PDE7A: variants seen among roughly 807,000 people sequenced by gnomAD.
The protein encoded by PDE7A is phosphodiesterase 7A.
Under a neutral mutation model 64.3 loss-of-function variants are expected in PDE7A, and 39 were observed. That is an observed-to-expected ratio of 0.61 (90% CI 0.47 to 0.79). The LOEUF (loss-of-function observed/expected upper bound fraction) is 0.79, where lower values mean the gene tolerates loss of function less well. Among genes scored for constraint, PDE7A ranks in the 30% least tolerant of loss-of-function variants. PDE7A has a pLI of 0.00. For synonymous variants in PDE7A, 203 were observed against 206.8 expected, an observed-to-expected ratio of 0.98 and a Z score of 0.16; for missense variants, 470 against 582.8, an observed-to-expected ratio of 0.81 and a Z score of 1.99.
Position 65,798,206 on chromosome 8 carries a change from A to ATATATATATATAT in PDE7A, c.139-15364_139-15363insATATATATATATA. On this transcript the variant is annotated intron_variant, in intron 1 of 12. Transcript: ENST00000401827. ...TATATATATATATATATATATATAT[A>ATATATATATATAT]TTTTTTTTTTTTTGAGATGGAGTCT... 3.0e-4 allele frequency among the ~76,000 whole-genome samples: 22 copies of ATATATATATATAT among 73,806 alleles called. No individual in the cohort carries two copies. In the East Asian group the frequency reaches 3.3e-3, roughly 11 times the overall value. The allele number at this position is 73,806 out of a possible 152,430, so 48.4% of individuals were successfully genotyped here.
intron 1 of PDE7A, among the ~76,000 whole-genome samples, chr8:65,803,587 TGAA>T (rs1810044798): frequency 6.6e-6 from 1 of 152,238 alleles, no homozygotes; most frequent in African/African-American, 2.4e-5. Flanking sequence ...TTTAATCTTT[TGAA>T]GAATGACAAA....
chr8:65,782,889 T>A, intron 1 of PDE7A, 46 bp from the exon 2 acceptor site: 1 of 1,111,604 alleles, frequency 9.0e-7, no homozygotes, highest in Non-Finnish European at 1.3e-6. Flanking sequence ...TTAAATATGA[T>A]ACAAAATTCA....
In PDE7A at chr8:65,769,247, C is replaced by CAAA. The variant is rs61554087; in HGVS notation, c.283+10470_283+10472dup. On this transcript the variant is annotated intron_variant, in intron 3 of 12. Coordinates refer to ENST00000401827, the MANE Select transcript of PDE7A (RefSeq NM_001242318.3). The stretch of plus-strand genomic sequence containing the variant: ...TAGGTGACAGAGCAAGACTCAGTCT[C>CAAA]AAAAAAAAAAAAAAAAAAAAAAGTA... 9.5e-3 allele frequency among the ~76,000 whole-genome samples: 705 copies of CAAA among 74,414 alleles called. 9 individuals carry two copies. Among genetic ancestry groups the CAAA allele is most frequent in the South Asian group, 0.022 (42 of 1,930 alleles). The allele number at this position is 74,414 out of a possible 152,430, so 48.8% of individuals were successfully genotyped here.
intron 5 of PDE7A, among the ~76,000 whole-genome samples, chr8:65,740,895 G>GC (rs1280384843): frequency 4.6e-5 from 7 of 152,036 alleles, no homozygotes; most frequent in East Asian, 3.9e-4. Flanking sequence ...GCCTCTCCTG[G>GC]CCCCCTCCAG....
chr8:65,720,033 A>G (rs1806309113), intron 12 of PDE7A, among the ~76,000 whole-genome samples: 1 of 152,230 alleles, frequency 6.6e-6, no homozygotes, highest in Admixed American at 6.5e-5. Flanking sequence ...AAAACTTATG[A>G]TAAGAGTCAG....
Position 65,717,800 on chromosome 8 carries a change from C to G in PDE7A, c.*1490G>C, listed in dbSNP as rs960919330. On this transcript the variant is annotated 3_prime_UTR_variant, in exon 13 of 13. Transcript: ENST00000401827. ...CTCAAGCTTTCTCCCAAGAAAATGG[C>G]TGTTGCAACAAACTGTAAACAATTA... The G allele has an allele frequency of 1.5e-4, 23 of 152,176 alleles. No homozygotes were observed. The highest frequency in any genetic ancestry group is 5.3e-4 in the African/African-American group (22 of 41,458). The allele number at this position is 152,176 out of a possible 1,614,324, so 9.4% of individuals were successfully genotyped here.
At chr8:65,739,956 C>T (rs1284464312) in intron 5 of PDE7A, among the ~76,000 whole-genome samples, 2 of 152,186 alleles carry the variant, frequency 1.3e-5, no homozygotes, top group African/African-American at 2.4e-5. Context: ...TGACCTCCCT[C>T]CTGACATTGC....
chr8:65,770,757 C>G (rs1809044182), intron 3 of PDE7A, among the ~76,000 whole-genome samples: 1 of 152,196 alleles, frequency 6.6e-6, no homozygotes, highest in South Asian at 2.1e-4. Context: ...AAAGGTGATA[C>G]ATATTACCAA....
rs187341909 is a variant in PDE7A at position 65,809,940 on chromosome 8, G to A, written c.139-27097C>T. Among the ~76,000 whole-genome samples, 545 of 152,228 alleles carry A rather than the reference G, an allele frequency of 3.6e-3. 11 individuals are homozygous for A. The highest frequency in any genetic ancestry group is 3.5e-4 in the Non-Finnish European group (24 of 68,014). On this transcript the variant is annotated intron_variant, in intron 1 of 12. Transcript: ENST00000401827. ...CAACCATTGTGGAAGACAGTGTGGC[G>A]ATTCCTCAAGGATCTAGAACTAGAA...
At chr8:65,729,992 A>G (rs1027512408) in intron 7 of PDE7A, among the ~76,000 whole-genome samples, 8 of 151,922 alleles carry the variant, frequency 5.3e-5, no homozygotes, top group Admixed American at 1.3e-4. Flanking sequence ...TCCCCAGGCC[A>G]TGGACCGGTA....
Position 65,739,607 on chromosome 8 carries a change from A to T in PDE7A, c.500-10T>A. 6.6e-7 allele frequency: 1 copy of T among 1,508,170 alleles called. No individual in the cohort carries two copies. Among genetic ancestry groups the T allele is most frequent in the Non-Finnish European group, 8.8e-7 (1 of 1,133,048 alleles). The allele number at this position is 1,508,170 out of a possible 1,614,324, so 93.4% of individuals were successfully genotyped here. On this transcript the variant is annotated splice_polypyrimidine_tract_variant and intron_variant, in intron 5 of 12. Coordinates refer to ENST00000401827, the MANE Select transcript of PDE7A (RefSeq NM_001242318.3). ...CTTACTAGACTATTTCCTAAAAAGA[A>T]AGAAGAGACATTACATTAGTAGGAA...
intron 3 of PDE7A, among the ~76,000 whole-genome samples, chr8:65,776,933 G>A (rs543040112): frequency 2.6e-5 from 4 of 152,214 alleles, no homozygotes; most frequent in South Asian, 2.1e-4. Flanking sequence ...ATTTCTCATC[G>A]CAGAAAGAAT....
At chr8:65,770,504 C>T (rs922328147) in intron 3 of PDE7A, among the ~76,000 whole-genome samples, 2 of 152,158 alleles carry the variant, frequency 1.3e-5, no homozygotes, top group African/African-American at 4.8e-5. Flanking sequence ...CAATTACCTC[C>T]CACTGGGCCC....
chr8:65,721,318 A>G (rs973663016), intron 12 of PDE7A, among the ~76,000 whole-genome samples: 5 of 152,226 alleles, frequency 3.3e-5, no homozygotes, highest in Middle Eastern at 3.2e-3. Flanking sequence ...AAGAAACTGT[A>G]TTAGTTCAAC....
chr8:65,766,149 TTGGCCAGGC>T (rs1808770053), intron 3 of PDE7A, among the ~76,000 whole-genome samples: 2 of 152,336 alleles, frequency 1.3e-5, no homozygotes, highest in East Asian at 3.9e-4. Flanking sequence ...TTTCGCCATG[TTGGCCAGGC>T]TGGTCTTGAA....
At chr8:65,804,332 T>C (rs530935478) in intron 1 of PDE7A, among the ~76,000 whole-genome samples, 1 of 152,302 alleles carries the variant, frequency 6.6e-6, no homozygotes, top group East Asian at 1.9e-4. Flanking sequence ...GTCATACTTT[T>C]ACCCAATTTA....
At chr8:65,837,262 A>T (rs1810969921) in intron 1 of PDE7A, among the ~76,000 whole-genome samples, 1 of 152,234 alleles carries the variant, frequency 6.6e-6, no homozygotes, top group African/African-American at 2.4e-5. Flanking sequence ...ACGGTTGTGT[A>T]TAAGGAAGGG....
At chr8:65,763,864 C>T (rs1808634020) in intron 3 of PDE7A, among the ~76,000 whole-genome samples, 1 of 152,218 alleles carries the variant, frequency 6.6e-6, no homozygotes, top group South Asian at 2.1e-4. Context: ...TACCATTAAA[C>T]TGTATTAAGA....
At chr8:65,791,884 T>G (rs1381891220) in intron 1 of PDE7A, among the ~76,000 whole-genome samples, 3 of 152,224 alleles carry the variant, frequency 2.0e-5, no homozygotes, top group Non-Finnish European at 4.4e-5. Flanking sequence ...GCTGTAAGAC[T>G]TTTTCTTATT....
Sources: allele counts gnomAD v4.1 joint callset (sites outside exome capture counted in the v4.1 genomes callset), GRCh38; gene constraint gnomAD v4.1.1; transcripts MANE v1.5; gene names NCBI Gene and HGNC (gene_info 2026-07-23, HGNC 2026-07-21).